Variants in SVIL observed in about 807,000 individuals in gnomAD.
SVIL encodes the protein archvillin.
In SVIL, 101 loss-of-function variants were observed where a neutral mutation model predicts 240.4. The ratio of observed to expected loss-of-function variants is 0.42; its 90% CI spans 0.36 to 0.50. The LOEUF (loss-of-function observed/expected upper bound fraction) is 0.50, where lower values mean the gene tolerates loss of function less well. SVIL is among the 20% of genes least tolerant of loss of function. The pLI is 0.01. For missense variants in SVIL, 2,512 were observed against 2,818.7 expected (o/e 0.89, Z 2.46); for synonymous variants, 999 against 1,100.0 (o/e 0.91, Z 1.82).
chr10:29,645,051 T>C (rs140046391), intron 3 of SVIL, among the ~76,000 whole-genome samples: 1 of 152,246 alleles, frequency 6.6e-6, no homozygotes, highest in Non-Finnish European at 1.5e-5. Flanking sequence ...ATCAACTGAA[T>C]AAATTTAGCT....
At chr10:29,584,173 G>A (rs1956063788) in intron 1 of SVIL, among the ~76,000 whole-genome samples, 1 of 152,266 alleles carries the variant, frequency 6.6e-6, no homozygotes, top group South Asian at 2.1e-4. Flanking sequence ...GTGCCAGGAA[G>A]AAGAGCGGAC....
intron 18 of SVIL, among the ~76,000 whole-genome samples, chr10:29,496,947 C>G (rs1270832534): frequency 2.0e-5 from 3 of 152,204 alleles, no homozygotes; most frequent in African/African-American, 7.2e-5. Context: ...ACTTAGTCAC[C>G]CTGCACCTAA....
chr10:29,507,548 T>TCAGAA (rs1949463332), intron 17 of SVIL, among the ~76,000 whole-genome samples: 1 of 148,300 alleles, frequency 6.7e-6, no homozygotes, highest in Non-Finnish European at 1.5e-5. Context: ...TTCTCACAGA[T>TCAGAA]ACACACTCAT....
At chr10:29,555,836 G>A (rs577832616) in intron 3 of SVIL, among the ~76,000 whole-genome samples, 6 of 152,178 alleles carry the variant, frequency 3.9e-5, no homozygotes, top group South Asian at 4.1e-4. Context: ...ACTCACAGCC[G>A]CTTCTCCTCC....
intron 1 of SVIL, among the ~76,000 whole-genome samples, chr10:29,572,031 A>G (rs1006535976): frequency 4.6e-5 from 7 of 152,226 alleles, no homozygotes; most frequent in South Asian, 2.1e-4. Flanking sequence ...TGACCATAGG[A>G]AATCACAAGA....
intron 1 of SVIL, among the ~76,000 whole-genome samples, chr10:29,705,832 C>G (rs1033032690): frequency 6.6e-6 from 1 of 152,138 alleles, no homozygotes. Context: ...CCTTTTTATG[C>G]CTGCATAGTA....
At position 29,532,126 on chromosome 10, in the gene SVIL, C is replaced by T. The variant is rs779398845; in HGVS notation, c.1885G>A (p.Gly629Ser). 5.0e-5 allele frequency: 81 copies of T among 1,613,988 alleles called. No individual in the cohort carries two copies. Among genetic ancestry groups the T allele is most frequent in the South Asian group, 3.2e-4 (29 of 91,076 alleles). Reference sequence around the variant, plus strand: ...CGGGACCCTCTCTCCCGTTCCACACCGGTGGGCAAGCCAGGTCCTTCAGCC... The same window carrying T: ...CGGGACCCTCTCTCCCGTTCCACACTGGTGGGCAAGCCAGGTCCTTCAGCC... ...RSAEGPGLPT[G>S]VERERGSRKP... Residue 629 changes from glycine to serine, a missense_variant, in exon 9 of 38, where the codon GGT becomes AGT. Physicochemically the swap from Gly to Ser is moderately conservative, Grantham distance 56. Transcript: ENST00000355867.
intron 3 of SVIL, among the ~76,000 whole-genome samples, chr10:29,555,474 T>C (rs1187119386): frequency 1.3e-5 from 2 of 152,138 alleles, no homozygotes. Context: ...ATGAAATATA[T>C]ATGTAATATA....
chr10:29,550,731 A>G lies in SVIL; in HGVS notation c.693T>C (p.Ser231=). The change falls in exon 6 of 38, where the codon TCT becomes TCC. Residue 231 remains serine, a synonymous_variant. Coordinates refer to ENST00000355867, the MANE Select transcript of SVIL (RefSeq NM_021738.3). ...TGAAGGAGGAGTCTCGCCCAGAGAAAGAGAAGGTCGAGGAACTCTCGGCTG... is the reference window on the plus strand; with the variant it reads ...TGAAGGAGGAGTCTCGCCCAGAGAAGGAGAAGGTCGAGGAACTCTCGGCTG... ...SPAAESSSTF[S]FSGRDSSFTE... The G allele has an allele frequency of 6.2e-7, 1 of 1,614,138 alleles. No homozygotes were observed. The highest frequency in any genetic ancestry group is 8.5e-7 in the Non-Finnish European group (1 of 1,180,036).
At chr10:29,617,694 G>C (rs749933404) in intron 1 of SVIL, among the ~76,000 whole-genome samples, 2 of 152,154 alleles carry the variant, frequency 1.3e-5, no homozygotes, top group African/African-American at 4.8e-5. Context: ...GCATCCTTAC[G>C]AGGTGACAGT....
At chr10:29,563,102 T>C (rs1053369474) in intron 3 of SVIL, 99 bp downstream of exon 3, 3 of 241,968 alleles carry the variant, frequency 1.2e-5, no homozygotes, top group African/African-American at 7.0e-5. Flanking sequence ...GAAAGGAGAC[T>C]GTAAGCTGGA....
In SVIL at chr10:29,475,122, C is replaced by T. The variant is rs566832541; in HGVS notation, c.5378-1133G>A. ...CTTACTGCAGCCTTAGCCTCCTGGG[C>T]TCAAATGATCCTCCTGCCTCAGCCT... is the stretch of plus-strand genomic sequence containing the variant. On this transcript the variant is annotated intron_variant, in intron 29 of 37. Coordinates refer to ENST00000355867, the MANE Select transcript of SVIL (RefSeq NM_021738.3). Among the ~76,000 whole-genome samples the T allele has an allele frequency of 4.6e-5, 7 of 152,292 alleles. No homozygotes were observed. The South Asian group carries it at 1.5e-3, about 32-fold the overall frequency.
intron 1 of SVIL, among the ~76,000 whole-genome samples, chr10:29,579,716 C>G (rs996874482): frequency 6.6e-6 from 1 of 152,132 alleles, no homozygotes; most frequent in African/African-American, 2.4e-5. Context: ...CACAAGCACC[C>G]CTGCAACGCT....
intron 2 of SVIL, among the ~76,000 whole-genome samples, chr10:29,678,793 G>A (rs377487616): frequency 2.3e-4 from 35 of 152,292 alleles, no homozygotes; most frequent in Non-Finnish European, 4.0e-4. Flanking sequence ...CTCCCTTCTC[G>A]TCCATTGCTT....
chr10:29,531,857 CAAAT>C (rs1951392235), intron 9 of SVIL, 141 bp downstream of exon 9: 1 of 969,266 alleles, frequency 1.0e-6, no homozygotes, highest in Admixed American at 2.5e-5. Flanking sequence ...TTAAATAAGC[CAAAT>C]AAATAACGCT....
At chr10:29,542,884 C>T (rs1952292319) in intron 6 of SVIL, among the ~76,000 whole-genome samples, 2 of 152,154 alleles carry the variant, frequency 1.3e-5, no homozygotes, top group African/African-American at 4.8e-5. Flanking sequence ...CCTGTTTCTC[C>T]TCTTTTCCCT....
Position 29,522,579 on chromosome 10 carries a change from T to C in SVIL, c.3220A>G (p.Ile1074Val), listed in dbSNP as rs757229039. The change falls in exon 16 of 38, where the codon ATT becomes GTT. Residue 1074 changes from isoleucine to valine, a missense_variant. Physicochemically the swap from Ile to Val is conservative, Grantham distance 29 (BLOSUM62 3). Around this residue, in one of 3 missense-constraint regions of SVIL, gnomAD observed 1,443 missense variants for 1,486.6 expected, o/e 0.97. Transcript: ENST00000355867. The stretch of plus-strand genomic sequence containing the variant: ...GACACGGGGGCTGTGGTTTGAGCAA[T>C]AGTTTTCCCAGCAGCTGTCCCCGTC... ...EQTGTAAGKT[I>V]AQTTAPVSWK... The C allele has an allele frequency of 3.1e-6, 5 of 1,614,068 alleles. No individual in the cohort carries two copies. Among genetic ancestry groups the C allele is most frequent in the Middle Eastern group, 1.7e-4 (1 of 6,050 alleles).
At chr10:29,487,691 G>A (rs1052541578) in intron 23 of SVIL, 1 of 162,286 alleles carries the variant, frequency 6.2e-6, no homozygotes, top group East Asian at 1.8e-4. Flanking sequence ...GGGAAGCCAC[G>A]CCTTCAGGAA....
chr10:29,559,751 T>C (rs541538557), intron 3 of SVIL, among the ~76,000 whole-genome samples: 1 of 152,346 alleles, frequency 6.6e-6, no homozygotes, highest in Admixed American at 6.5e-5. Flanking sequence ...ATCTGGACTC[T>C]GTGAGTCTAT....
Sources: allele counts gnomAD v4.1 joint callset (sites outside exome capture counted in the v4.1 genomes callset), GRCh38; gene constraint gnomAD v4.1.1; regional missense constraint gnomAD v4.1.1; transcripts MANE v1.5; gene names NCBI Gene and HGNC (gene_info 2026-07-23, HGNC 2026-07-21).